The following KANSL1 variants were observed in gnomAD, a reference collection of about 807,000 sequenced individuals.
KANSL1 encodes the protein KAT8 regulatory NSL complex subunit 1.
A neutral mutation model predicts 103.6 loss-of-function variants in KANSL1; 22 were observed. The ratio of observed to expected loss-of-function variants is 0.21; its 90% CI spans 0.15 to 0.30. KANSL1 has a LOEUF of 0.30. KANSL1 is among the 10% of genes least tolerant of loss of function. The pLI is 1.00. For missense variants in KANSL1, 1,337 were observed against 1,399.8 expected (o/e 0.96, Z 0.72); for synonymous variants, 600 against 527.6 (o/e 1.14, Z -1.88).
In KANSL1 at chr17:46,145,369, G is replaced by A. The variant is rs866801354; in HGVS notation, c.1289+25486C>T. ...TTGGAAGACAAATCTACTGATTTAT[G>A]CAATAAACTTTCTACCTCTACTTAA... On this transcript the variant is annotated intron_variant, in intron 2 of 14. Transcript: ENST00000432791. 1.7e-4 allele frequency among the ~76,000 whole-genome samples: 26 copies of A among 152,314 alleles called. 1 individual carries two copies. The South Asian group carries it at 3.3e-3, about 19-fold the overall frequency.
chr17:46,144,837 C>G (rs1267573517), intron 2 of KANSL1, among the ~76,000 whole-genome samples: 1 of 152,164 alleles, frequency 6.6e-6, no homozygotes, highest in Non-Finnish European at 1.5e-5. Flanking sequence ...CCAGGCCAAA[C>G]TTACGACTAC....
At position 46,170,908 on chromosome 17, in the gene KANSL1, A is replaced by G; in HGVS notation, c.1236T>C (p.Asp412=). 1.2e-6 allele frequency: 2 copies of G among 1,614,010 alleles called. No individual in the cohort carries two copies. The highest frequency in any genetic ancestry group is 1.3e-5 in the African/African-American group (1 of 75,034). Residue 412 remains aspartate, a synonymous_variant, in exon 2 of 15, where the codon GAT becomes GAC. Transcript: ENST00000432791. ...CTCTGGTCAGTTCTTCCTCTTCAAT[A>G]TCAGACTCCCCTCCTGAACTACTGT... The part of the protein sequence containing the change: ...VTDSSSGGES[D]IEEEELTRAD...
intron 2 of KANSL1, among the ~76,000 whole-genome samples, chr17:46,144,672 T>A (rs1282809537): frequency 2.1e-5 from 3 of 140,718 alleles, no homozygotes; most frequent in Admixed American, 1.4e-4. Context: ...CAGGGGATAC[T>A]ACATAATAAA....
chr17:46,208,079 C>T lies in KANSL1; in HGVS notation c.-90+15592G>A, dbSNP rs141022043. Among the ~76,000 whole-genome samples, 268 of 151,824 alleles carry T rather than the reference C, an allele frequency of 1.8e-3. 1 individual carries two copies. Among genetic ancestry groups the T allele is most frequent in the African/African-American group, 5.5e-3 (228 of 41,354 alleles). ...TGAGCCAAGATCACACCACTGCACT[C>T]CAACCTGGGTGAAAGGCAAAAATCC... On this transcript the variant is annotated intron_variant, in intron 1 of 14. Coordinates refer to the KANSL1 transcript ENST00000572904.
At chr17:46,182,680 T>C (rs1256654089) in intron 1 of KANSL1, among the ~76,000 whole-genome samples, 1 of 152,258 alleles carries the variant, frequency 6.6e-6, no homozygotes, top group Non-Finnish European at 1.5e-5. Flanking sequence ...TTACATATAT[T>C]CTCTTAATCT....
intron 2 of KANSL1, among the ~76,000 whole-genome samples, chr17:46,100,869 G>A (rs1428786924): frequency 2.0e-5 from 3 of 152,170 alleles, no homozygotes; most frequent in East Asian, 1.9e-4. Context: ...CCCGAATGGT[G>A]GTAATTTCAA....
At chr17:46,162,382 T>C (rs1008080048) in intron 2 of KANSL1, among the ~76,000 whole-genome samples, 1 of 152,196 alleles carries the variant, frequency 6.6e-6, no homozygotes, top group Non-Finnish European at 1.5e-5. Context: ...ATTTGTTTTA[T>C]CACACTGACA....
intron 3 of KANSL1, among the ~76,000 whole-genome samples, chr17:46,089,696 A>C (rs180694761): frequency 6.6e-6 from 1 of 152,338 alleles, no homozygotes; most frequent in East Asian, 1.9e-4. Flanking sequence ...TAACTAAAAA[A>C]AAAACCCAAG....
At chr17:46,218,678 G>A (rs982661168) in intron 1 of KANSL1, among the ~76,000 whole-genome samples, 3 of 152,080 alleles carry the variant, frequency 2.0e-5, no homozygotes, top group African/African-American at 7.3e-5. Context: ...AGCTACTTGA[G>A]AGGCTGAGGC....
At chr17:46,108,093 T>C (rs561185531) in intron 2 of KANSL1, among the ~76,000 whole-genome samples, 7 of 152,326 alleles carry the variant, frequency 4.6e-5, no homozygotes, top group South Asian at 2.1e-4. Flanking sequence ...CAGCCTAATA[T>C]TGTATAAAAG....
At chr17:46,060,706 C>T (rs2078127126) in intron 6 of KANSL1, among the ~76,000 whole-genome samples, 2 of 152,262 alleles carry the variant, frequency 1.3e-5, no homozygotes, top group South Asian at 4.1e-4. Flanking sequence ...ACCATGGTGT[C>T]ATGAAACTGG....
chr17:46,212,466 A>T (rs2696466), intron 1 of KANSL1, among the ~76,000 whole-genome samples: 1 of 151,862 alleles, frequency 6.6e-6, no homozygotes, highest in Non-Finnish European at 1.5e-5. Context: ...TAATCCGCCC[A>T]CCTCGGCCTC....
intron 1 of KANSL1, among the ~76,000 whole-genome samples, chr17:46,173,705 A>C (rs1490259487): frequency 1.3e-5 from 2 of 152,268 alleles, no homozygotes; most frequent in Non-Finnish European, 2.9e-5. Context: ...ATCAAGGAAG[A>C]GGCACCAAAC....
In KANSL1 at chr17:46,140,582, TAATC is replaced by T. The variant is rs1393777654; in HGVS notation, c.1289+30269_1289+30272del. ...CAAAATTTAAAACTTCTGTAAATAA[TAATC>T]AAGAAAATGAGAATACAATCCACAG... On this transcript the variant is annotated intron_variant, in intron 2 of 14. Transcript: ENST00000432791. 1.8e-4 allele frequency among the ~76,000 whole-genome samples: 27 copies of T among 151,688 alleles called. No individual in the cohort carries two copies. The East Asian group carries it at 5.0e-3, about 28-fold the overall frequency.
Position 46,039,080 on chromosome 17 carries a change from T to A in KANSL1, c.2339A>T (p.Asp780Val), listed in dbSNP as rs1487050698. 1 of 1,612,360 alleles carries A rather than the reference T, an allele frequency of 6.2e-7. No homozygotes were observed. Among genetic ancestry groups the A allele is most frequent in the Non-Finnish European group, 8.5e-7 (1 of 1,179,774 alleles). The change falls in exon 9 of 15, where the codon GAC becomes GTC. Residue 780 changes from aspartate to valine, a missense_variant. By Grantham distance (152) the Asp-to-Val change is radical. Transcript: ENST00000432791. ...CAATCTCATTTTGCTGTGGTTTGGG[T>A]CATGCACGGGTGGTGGTGGGTTGAG... is the stretch of plus-strand genomic sequence containing the variant. ...RLLNPPPPVH[D>V]PNHSKMRLRD...
chr17:46,090,652 A>C (rs1003620245), intron 3 of KANSL1, among the ~76,000 whole-genome samples: 1 of 152,250 alleles, frequency 6.6e-6, no homozygotes, highest in Admixed American at 6.5e-5. Context: ...GCTTAATACA[A>C]TACGCTTTGA....
intron 1 of KANSL1, among the ~76,000 whole-genome samples, chr17:46,190,042 A>G (rs928271908): frequency 4.6e-5 from 7 of 152,240 alleles, no homozygotes; most frequent in Non-Finnish European, 7.3e-5. Flanking sequence ...TTTACAGAGT[A>G]CACAAATCAG....
intron 2 of KANSL1, among the ~76,000 whole-genome samples, chr17:46,110,703 T>C (rs2042765513): frequency 6.6e-6 from 1 of 152,176 alleles, no homozygotes; most frequent in African/African-American, 2.4e-5. Flanking sequence ...TTGTCAAATA[T>C]ATGCTATTTA....
At chr17:46,069,745 CCAAAA>C (rs775085677) in intron 4 of KANSL1, among the ~76,000 whole-genome samples, 5 of 151,524 alleles carry the variant, frequency 3.3e-5, no homozygotes, top group African/African-American at 7.3e-5. Context: ...GAGACTGTCT[CCAAAA>C]CAAAACAAAA....
Sources: gnomAD v4.1 joint callset for allele counts (sites outside exome capture counted in the v4.1 genomes callset) on GRCh38, gnomAD v4.1.1 for gene constraint, MANE v1.5 for transcripts, NCBI Gene and HGNC (gene_info 2026-07-23, HGNC 2026-07-21) for gene names.